Variants in SPMIP11 observed in about 807,000 individuals in gnomAD.
SPMIP11 encodes the protein sperm microtubule inner protein 11, also known as long intergenic non-protein coding RNA 935.
the SPMIP11 span, among the ~76,000 whole-genome samples, chr12:48,736,481 G>A: frequency 6.7e-6 from 1 of 148,650 alleles, no homozygotes; most frequent in Non-Finnish European, 1.5e-5. Flanking sequence ...TGTACTGATT[G>A]TTACTTCTTT....
the SPMIP11 span, among the ~76,000 whole-genome samples, chr12:48,744,885 A>C: frequency 1.1e-4 from 16 of 152,156 alleles, no homozygotes; most frequent in African/African-American, 3.6e-4. Flanking sequence ...AAAGAAAAAG[A>C]AGCAGCAGCA....
chr12:48,770,992 G>A, the SPMIP11 span: 1 of 1,608,156 alleles, frequency 6.2e-7, no homozygotes, highest in South Asian at 1.1e-5. Flanking sequence ...AAGGAGACCT[G>A]GCTGTCAAGG....
At chr12:48,757,363 A>G in the SPMIP11 span, among the ~76,000 whole-genome samples, 1 of 152,228 alleles carries the variant, frequency 6.6e-6, no homozygotes, top group Middle Eastern at 3.4e-3. Flanking sequence ...TAAAAAAAAT[A>G]TTGGCTGGGC....
the SPMIP11 span, among the ~76,000 whole-genome samples, chr12:48,737,995 T>C: frequency 2.0e-5 from 3 of 151,950 alleles, no homozygotes; most frequent in Non-Finnish European, 4.4e-5. Flanking sequence ...GGCTAATTTT[T>C]GTATTTTTTA....
chr12:48,750,787 TC>T, the SPMIP11 span, among the ~76,000 whole-genome samples: 1 of 152,144 alleles, frequency 6.6e-6, no homozygotes, highest in Non-Finnish European at 1.5e-5. Flanking sequence ...AGCTAAACAA[TC>T]TTGAAAGACT....
At chr12:48,753,273 G>A in the SPMIP11 span, among the ~76,000 whole-genome samples, 3 of 152,102 alleles carry the variant, frequency 2.0e-5, no homozygotes, top group African/African-American at 7.2e-5. Flanking sequence ...ACTCTCCAGT[G>A]ACTACCCTCT....
At chr12:48,734,829 C>CTT in the SPMIP11 span, among the ~76,000 whole-genome samples, 1 of 151,874 alleles carries the variant, frequency 6.6e-6, no homozygotes, top group Non-Finnish European at 1.5e-5. Context: ...TGGTGAAACC[C>CTT]TGTCTCTACT....
chr12:48,744,570 C>G, the SPMIP11 span, among the ~76,000 whole-genome samples: 25 of 152,056 alleles, frequency 1.6e-4, no homozygotes, highest in Non-Finnish European at 2.8e-4. Flanking sequence ...CCCATCTCTA[C>G]TAAAAATACA....
chr12:48,770,836 G>T, the SPMIP11 span: 1 of 1,614,262 alleles, frequency 6.2e-7, no homozygotes, highest in Non-Finnish European at 8.5e-7. Context: ...GCCGCATGGC[G>T]TAGTCAGCCA....
At chr12:48,728,484 G>A in the SPMIP11 span, among the ~76,000 whole-genome samples, 6 of 151,848 alleles carry the variant, frequency 4.0e-5, no homozygotes, top group East Asian at 1.9e-4. Flanking sequence ...CGAGGCGGGC[G>A]GATCACGAGG....
the SPMIP11 span, among the ~76,000 whole-genome samples, chr12:48,734,847 C>CA: frequency 1.3e-4 from 19 of 151,288 alleles, no homozygotes; most frequent in South Asian, 4.2e-4. Context: ...ACTAAAAATA[C>CA]AAAAAAAATT....
chr12:48,757,027 C>T, the SPMIP11 span, among the ~76,000 whole-genome samples: 4 of 152,044 alleles, frequency 2.6e-5, no homozygotes, highest in Non-Finnish European at 5.9e-5. Context: ...CCATCCTCCT[C>T]GGCCTCCCAA....
chr12:48,769,777 G>C, the SPMIP11 span, among the ~76,000 whole-genome samples: 4 of 138,104 alleles, frequency 2.9e-5, no homozygotes, highest in Admixed American at 2.9e-4. Flanking sequence ...TTTTTTTTTG[G>C]GGGGGACAGA....
the SPMIP11 span, among the ~76,000 whole-genome samples, chr12:48,741,898 C>T: frequency 2.0e-5 from 3 of 152,248 alleles, no homozygotes; most frequent in East Asian, 3.9e-4. Flanking sequence ...CCCAGCCTCC[C>T]TAAGTAGTGG....
the SPMIP11 span, chr12:48,727,446 C>T: frequency 1.4e-6 from 1 of 702,184 alleles, no homozygotes; most frequent in Non-Finnish European, 2.6e-6. Context: ...GTGCCCCAAC[C>T]TGGACGTTCC....
At chr12:48,732,626 T>C in the SPMIP11 span, among the ~76,000 whole-genome samples, 1 of 151,658 alleles carries the variant, frequency 6.6e-6, no homozygotes, top group East Asian at 2.0e-4. Flanking sequence ...AAAAATTAGC[T>C]GGGTGTGGTG....
At chr12:48,740,368 T>TA in the SPMIP11 span, among the ~76,000 whole-genome samples, 617 of 152,304 alleles carry the variant, frequency 4.1e-3, 7 homozygotes, top group African/African-American at 0.014. Flanking sequence ...AATAAGCTTG[T>TA]ATCTCCTAAC....
chr12:48,763,139 A>C, the SPMIP11 span, among the ~76,000 whole-genome samples: 1 of 152,224 alleles, frequency 6.6e-6, no homozygotes, highest in South Asian at 2.1e-4. Flanking sequence ...AGGGGTAGTA[A>C]GTTATTTCTA....
At chr12:48,758,160 C>A in the SPMIP11 span, among the ~76,000 whole-genome samples, 1 of 151,856 alleles carries the variant, frequency 6.6e-6, no homozygotes, top group African/African-American at 2.4e-5. Context: ...AGAGGGAGAC[C>A]GTCTTAAAAT....
Sources: allele counts gnomAD v4.1 joint callset (sites outside exome capture counted in the v4.1 genomes callset), GRCh38; gene constraint gnomAD v4.1.1; transcripts MANE v1.5; gene names NCBI Gene and HGNC (gene_info 2026-07-23, HGNC 2026-07-21).